The following TIAM2 variants were observed in gnomAD, a reference collection of about 807,000 sequenced individuals.
The protein encoded by TIAM2 is rho guanine nucleotide exchange factor TIAM2.
Under a neutral mutation model 152.9 loss-of-function variants are expected in TIAM2, and 80 were observed. The ratio of observed to expected loss-of-function variants is 0.52; its 90% CI spans 0.44 to 0.63. The LOEUF is 0.63. TIAM2 is among the 30% of genes least tolerant of loss of function. TIAM2 has a pLI of 0.00. For missense variants in TIAM2, 1,965 were observed against 2,120.1 expected, an observed-to-expected ratio of 0.93 and a Z score of 1.44; for synonymous variants, 804 against 838.0, an observed-to-expected ratio of 0.96 and a Z score of 0.70.
rs12662628 is a variant in TIAM2, at chr6:155,142,700, T to C, written c.1631-1906T>C. On this transcript the variant is annotated intron_variant, in intron 5 of 26. Transcript: ENST00000682666. Reference sequence around the variant, plus strand: ...CAGGCCTGCAAGAAGCAGCTCTGGCTGTAAACCTCTTGCTACTTTCCCTTG... The same window carrying C: ...CAGGCCTGCAAGAAGCAGCTCTGGCCGTAAACCTCTTGCTACTTTCCCTTG... Among the ~76,000 whole-genome samples, 585 of 152,374 alleles carry C rather than the reference T, an allele frequency of 3.8e-3. 3 individuals carry two copies. Among genetic ancestry groups the C allele is most frequent in the East Asian group, 0.017 (87 of 5,178 alleles).
chr6:155,074,461 CCTCAGTCTCCTGA>C (rs1197804963), intron 1 of TIAM2, among the ~76,000 whole-genome samples: 8 of 152,206 alleles, frequency 5.3e-5, no homozygotes, highest in Non-Finnish European at 1.0e-4. Flanking sequence ...GATTCTCCTG[CCTCAGTCTCCTGA>C]GTGGCTGGGA....
chr6:155,003,668 C>T (rs931197673), intron 1 of TIAM2, among the ~76,000 whole-genome samples: 1 of 152,106 alleles, frequency 6.6e-6, no homozygotes, highest in Non-Finnish European at 1.5e-5. Flanking sequence ...CTCGGCTCCC[C>T]CATGCACACT....
chr6:155,175,437 A>G (rs966371319), intron 9 of TIAM2, among the ~76,000 whole-genome samples: 3 of 152,146 alleles, frequency 2.0e-5, no homozygotes, highest in Admixed American at 6.5e-5. Flanking sequence ...GATGAATGAT[A>G]TATAATAATG....
intron 1 of TIAM2, among the ~76,000 whole-genome samples, chr6:155,028,269 A>G (rs1449280822): frequency 3.0e-5 from 4 of 131,512 alleles, no homozygotes; most frequent in East Asian, 4.2e-4. Context: ...TATACTACAT[A>G]TAATATATGT....
Position 155,257,252 on chromosome 6 carries a change from A to G in TIAM2, c.*131A>G. 9.9e-7 allele frequency: 1 copy of G among 1,014,202 alleles called. No homozygotes were observed. The highest frequency in any genetic ancestry group is 1.4e-6 in the Non-Finnish European group (1 of 710,934). 62.8% of individuals were successfully genotyped at this position (1,014,202 alleles called of 1,614,324 possible). On this transcript the variant is annotated 3_prime_UTR_variant, in exon 27 of 27. Coordinates refer to ENST00000682666, the MANE Select transcript of TIAM2 (RefSeq NM_012454.4). ...TTTTGTGCAGTATACATTTTCCCAC[A>G]AAATGGTTGTAAAGATTTAAGTTAT...
intron 1 of TIAM2, among the ~76,000 whole-genome samples, chr6:155,024,130 A>G (rs1259845393): frequency 2.0e-5 from 3 of 152,176 alleles, no homozygotes; most frequent in Non-Finnish European, 2.9e-5. Flanking sequence ...ACTCCAAAGC[A>G]CTTGTTCTTC....
intron 1 of TIAM2, among the ~76,000 whole-genome samples, chr6:155,066,091 C>G (rs1218285704): frequency 2.0e-5 from 3 of 152,218 alleles, no homozygotes; most frequent in Non-Finnish European, 2.9e-5. Context: ...TGGGCTGTTT[C>G]TCCGCCAGCT....
chr6:155,048,535 G>A (rs1265442103), intron 1 of TIAM2, among the ~76,000 whole-genome samples: 2 of 149,306 alleles, frequency 1.3e-5, no homozygotes, highest in Non-Finnish European at 3.0e-5. Context: ...GGAAGGAAGA[G>A]GACAGAGCAA....
At chr6:155,159,339 C>T (rs1780204298) in intron 7 of TIAM2, among the ~76,000 whole-genome samples, 1 of 152,158 alleles carries the variant, frequency 6.6e-6, no homozygotes, top group African/African-American at 2.4e-5. Flanking sequence ...TTGCTAAGGT[C>T]ACTATGAGGA....
At chr6:155,217,188 G>A (rs1170563956) in intron 15 of TIAM2, 5 of 1,252,312 alleles carry the variant, frequency 4.0e-6, no homozygotes, top group Non-Finnish European at 5.2e-6. Flanking sequence ...AGTTGATTTT[G>A]CTCTAAAAAT....
intron 9 of TIAM2, 44 bp from the exon 10 acceptor site, chr6:155,176,772 G>A (rs772346049): frequency 6.3e-7 from 1 of 1,596,834 alleles, no homozygotes. Flanking sequence ...TCCTTCATTT[G>A]TTAATCAAAT....
chr6:155,017,771 G>A (rs554339567), intron 1 of TIAM2, among the ~76,000 whole-genome samples: 1 of 152,176 alleles, frequency 6.6e-6, no homozygotes, highest in South Asian at 2.1e-4. Flanking sequence ...CCAAAGTGCT[G>A]GGATTACAGG....
chr6:155,242,901 ATT>A (rs527800448), intron 16 of TIAM2, among the ~76,000 whole-genome samples: 4 of 131,834 alleles, frequency 3.0e-5, no homozygotes, highest in South Asian at 2.4e-4. Flanking sequence ...ACACCCAGCT[ATT>A]TTTTTTTTTT....
rs531027046 is a variant in TIAM2, at chr6:155,111,858, T to A, written c.-117-15632T>A. ...ACTGATTCCTCTCTGCTCCCCTTTATAGTAAAACTCTTTGAATGAGCTGTC... is the reference window on the plus strand; with the variant it reads ...ACTGATTCCTCTCTGCTCCCCTTTAAAGTAAAACTCTTTGAATGAGCTGTC... On this transcript the variant is annotated intron_variant, in intron 2 of 26. Coordinates refer to ENST00000682666, the MANE Select transcript of TIAM2 (RefSeq NM_012454.4). Among the ~76,000 whole-genome samples, 10 of 152,300 alleles carry A rather than the reference T, an allele frequency of 6.6e-5. No individual in the cohort carries two copies. In the South Asian group the frequency reaches 2.1e-3, roughly 32 times the overall value.
chr6:155,088,052 CTTTTTTTTTTTTT>C (rs113372173), intron 1 of TIAM2, among the ~76,000 whole-genome samples: 2 of 118,998 alleles, frequency 1.7e-5, no homozygotes, highest in Non-Finnish European at 3.5e-5. Flanking sequence ...TTCTTTCTTT[CTTTTTTTTTTTTT>C]TTTTTTTGAG....
intron 1 of TIAM2, among the ~76,000 whole-genome samples, chr6:155,012,220 G>A (rs1043546921): frequency 3.9e-5 from 6 of 152,128 alleles, no homozygotes; most frequent in South Asian, 2.1e-4. Context: ...CACCCCTTGC[G>A]TTGTCATATT....
intron 1 of TIAM2, among the ~76,000 whole-genome samples, chr6:155,034,603 C>T (rs1318928447): frequency 2.0e-5 from 3 of 152,160 alleles, no homozygotes; most frequent in African/African-American, 7.2e-5. Context: ...TAGATGTTTG[C>T]TGCCTTCCTG....
rs190726965 is a variant in TIAM2 at position 155,017,403 on chromosome 6, C to T, written c.-209+21911C>T. 1.6e-3 allele frequency among the ~76,000 whole-genome samples: 249 copies of T among 152,040 alleles called. 1 individual carries two copies. The highest frequency in any genetic ancestry group is 5.2e-3 in the Admixed American group (80 of 15,260). ...GGGTAGATGACATGGGGTCTAGGGT[C>T]CCTGAGAGCTGAGAGCTTGGGTGGG... On this transcript the variant is annotated intron_variant, in intron 1 of 26. Coordinates refer to ENST00000682666, the MANE Select transcript of TIAM2 (RefSeq NM_012454.4).
chr6:155,256,994 A>G lies in TIAM2; in HGVS notation c.4979A>G (p.Asp1660Gly), dbSNP rs752294950. The G allele has an allele frequency of 1.9e-6, 3 of 1,614,222 alleles. No individual in the cohort carries two copies. Among genetic ancestry groups the G allele is most frequent in the Non-Finnish European group, 2.5e-6 (3 of 1,180,042 alleles). ...LKAQIRHQSL[D>G]SQSENATIDL... ...GCGCAGATCCGTCACCAGTCCCTTG[A>G]CAGTCAGTCTGAAAATGCCACCATC... Residue 1660 changes from aspartate to glycine, a missense_variant, in exon 27 of 27, where the codon GAC becomes GGC. By Grantham distance (94) the Asp-to-Gly change is moderately conservative. Around this residue, in one of 3 missense-constraint regions of TIAM2, gnomAD observed 935 missense variants for 980.0 expected, o/e 0.95. Coordinates refer to ENST00000682666, the MANE Select transcript of TIAM2 (RefSeq NM_012454.4).
Sources: gnomAD v4.1 joint callset for allele counts (sites outside exome capture counted in the v4.1 genomes callset) on GRCh38, gnomAD v4.1.1 for gene constraint, gnomAD v4.1.1 regional missense constraint, MANE v1.5 for transcripts, NCBI Gene and HGNC (gene_info 2026-07-23, HGNC 2026-07-21) for gene names.